ALG12: variants seen among roughly 807,000 people sequenced by gnomAD.
ALG12 encodes the protein dol-P-Man:Man(7)GlcNAc(2)-PP-Dol alpha-1,6-mannosyltransferase.
In ALG12, 36 loss-of-function variants were observed where a neutral mutation model predicts 46.0. That is an observed-to-expected ratio of 0.78 (90% confidence interval 0.60 to 1.03). The LOEUF (loss-of-function observed/expected upper bound fraction) is 1.03, where lower values mean the gene tolerates loss of function less well. Among genes scored for constraint, ALG12 ranks in the 50% least tolerant of loss-of-function variants. ALG12 has a pLI of 0.00. For missense variants in ALG12, 599 were observed against 633.5 expected (o/e 0.95, Z 0.58); for synonymous variants, 326 against 291.6 (o/e 1.12, Z -1.20).
the ALG12 span, among the ~76,000 whole-genome samples, chr22:49,877,108 C>T: frequency 1.3e-5 from 2 of 152,054 alleles, no homozygotes; most frequent in African/African-American, 4.8e-5. Flanking sequence ...TGAACGCTGG[C>T]AGTGAGCTGC....
chr22:49,863,832 GTTAGGGA>G, the ALG12 span, among the ~76,000 whole-genome samples: 4 of 152,204 alleles, frequency 2.6e-5, no homozygotes, highest in Non-Finnish European at 5.9e-5. Flanking sequence ...GAGGCGACCA[GTTAGGGA>G]TTTGATGTTG....
the ALG12 span, among the ~76,000 whole-genome samples, chr22:49,872,592 C>G: frequency 6.6e-6 from 1 of 152,170 alleles, no homozygotes; most frequent in Non-Finnish European, 1.5e-5. Context: ...TGCAGTGTCA[C>G]GATCACAGCT....
the ALG12 span, among the ~76,000 whole-genome samples, chr22:49,881,281 G>A: frequency 6.6e-6 from 1 of 152,274 alleles, no homozygotes; most frequent in Non-Finnish European, 1.5e-5. Flanking sequence ...CCCAGGAAGC[G>A]GAGGTTGCGG....
At chr22:49,909,825 T>A in intron 5 of ALG12, 69 bp downstream of exon 5, 5 of 1,599,496 alleles carry the variant, frequency 3.1e-6, no homozygotes, top group Non-Finnish European at 4.3e-6. Context: ...CCTCCCAAAT[T>A]TCTCTTGACC....
chr22:49,887,540 T>A, the ALG12 span: 2 of 193,086 alleles, frequency 1.0e-5, no homozygotes, highest in African/African-American at 4.7e-5. Flanking sequence ...TACTCAATTA[T>A]GTACAAACCA....
rs1246692959 is a variant in ALG12 at position 49,905,527 on chromosome 22, T to G, written c.993-1021A>C. On this transcript the variant is annotated intron_variant, in intron 7 of 9. Transcript: ENST00000330817. This position sits in a 1 kb window ranked among gnomAD's most constrained non-coding sequence, Gnocchi z 4.9. ...TCCATGCTGTTCTCCTCATACCGAG[T>G]GAGTTCTCGAGAGGTCTGCTTGTTT... Among the ~76,000 whole-genome samples the G allele has an allele frequency of 6.6e-6, 1 of 152,126 alleles. No individual in the cohort carries two copies. Among genetic ancestry groups the G allele is most frequent in the African/African-American group, 2.4e-5 (1 of 41,446 alleles).
chr22:49,908,873 A>G (rs1486290785), intron 6 of ALG12, among the ~76,000 whole-genome samples: 1 of 151,000 alleles, frequency 6.6e-6, no homozygotes, highest in Admixed American at 6.6e-5. Context: ...AATTGCTTGA[A>G]CCAGGGAGGT....
chr22:49,913,629 A>G lies in ALG12; in HGVS notation c.137T>C (p.Leu46Pro). 6.2e-7 allele frequency: 1 copy of G among 1,614,170 alleles called. No individual in the cohort carries two copies. The highest frequency in any genetic ancestry group is 8.5e-7 in the Non-Finnish European group (1 of 1,180,032). ...SFNLQATHDLLYHWQDLEQYD... is the reference protein window; with the variant it reads ...SFNLQATHDLPYHWQDLEQYD... ...CTGCTCCAGGTCTTGCCAGTGGTAG[A>G]GCAGGTCATGTGTGGCCTGCAGGTT... Residue 46 changes from leucine (L) to proline (P), a missense_variant, in exon 2 of 10, where the codon CTC becomes CCC. By Grantham distance (98) the Leu-to-Pro change is moderately conservative (BLOSUM62 -3). Transcript: ENST00000330817.
At chr22:49,868,117 G>A in the ALG12 span, among the ~76,000 whole-genome samples, 3 of 152,186 alleles carry the variant, frequency 2.0e-5, no homozygotes, top group South Asian at 4.1e-4. Flanking sequence ...CATATTCATG[G>A]TTTGTCCCTT....
chr22:49,886,722 G>A, the ALG12 span: 1 of 1,613,446 alleles, frequency 6.2e-7, no homozygotes, highest in Non-Finnish European at 8.5e-7. The surrounding 1 kb of genome is among the most constrained non-coding windows in gnomAD (Gnocchi z 7.7). Context: ...TTACGGAGGA[G>A]GAGGCGGAGC....
the ALG12 span, chr22:49,884,823 C>A: frequency 6.2e-7 from 1 of 1,610,826 alleles, no homozygotes; most frequent in Non-Finnish European, 8.5e-7. Flanking sequence ...CTTCGGCCTC[C>A]TCCTCCCCTG....
At chr22:49,893,508 T>A in the ALG12 span, among the ~76,000 whole-genome samples, 2 of 152,208 alleles carry the variant, frequency 1.3e-5, no homozygotes, top group East Asian at 1.9e-4. Context: ...TGGCTTTTTT[T>A]AAATGCTGAA....
the ALG12 span, among the ~76,000 whole-genome samples, chr22:49,879,550 TC>T: frequency 6.6e-6 from 1 of 150,666 alleles, no homozygotes; most frequent in Non-Finnish European, 1.5e-5. Context: ...TTGTCTTATG[TC>T]CGGGCCTGTT....
chr22:49,900,074 G>A (rs527748171), downstream of ALG12, among the ~76,000 whole-genome samples: 95 of 152,316 alleles, frequency 6.2e-4, 1 homozygote, highest in African/African-American at 2.2e-3. Context: ...TGAGGTGGGA[G>A]GAAGGCTTAA....
chr22:49,916,876 C>T (rs993746231), intron 1 of ALG12, among the ~76,000 whole-genome samples: 1 of 152,262 alleles, frequency 6.6e-6, no homozygotes, highest in Non-Finnish European at 1.5e-5. Context: ...CAGTCCCCCA[C>T]AACCCCACTC....
chr22:49,901,308 G>C lies in ALG12; in HGVS notation c.*2530C>G, dbSNP rs1256419505. On this transcript the variant is annotated 3_prime_UTR_variant, in exon 10 of 10. Transcript: ENST00000330817. ...CCCTCACCATCTGGCCTCTGTGGGA[G>C]TCAGGAAGTGTCTGCACAGATGTTC... 1.3e-5 allele frequency: 2 copies of C among 152,270 alleles called. No individual in the cohort carries two copies. The highest frequency in any genetic ancestry group is 2.9e-5 in the Non-Finnish European group (2 of 68,054). 9.4% of individuals were successfully genotyped at this position (152,270 alleles called of 1,614,324 possible).
chr22:49,918,004 G>GGCCCCAGGTGAGAGGTCC (rs2060626991), intron 1 of ALG12, among the ~76,000 whole-genome samples: 1 of 95,102 alleles, frequency 1.1e-5, no homozygotes, highest in African/African-American at 5.0e-5. Flanking sequence ...GTGAGAGGTC[G>GGCCCCAGGTGAGAGGTCC]GGCCCCCGGA....
Position 49,903,921 on chromosome 22 carries a change from G to C in ALG12, c.1384C>G (p.Leu462Val). 1 of 1,614,216 alleles carries C rather than the reference G, an allele frequency of 6.2e-7. No individual in the cohort carries two copies. The highest frequency in any genetic ancestry group is 8.5e-7 in the Non-Finnish European group (1 of 1,180,014). ...AAGGGGGGCAGTTGGGTCAGGTTCA[G>C]ACTCACACCTGTGGTCCCCACGACG... ...ASVVGTTGVS[L>V]NLTQLPPFNV... is the part of the protein sequence containing the mutation. The change falls in exon 10 of 10, where the codon CTG becomes GTG. Residue 462 changes from leucine to valine, a missense_variant. By Grantham distance (32) the Leu-to-Val change is conservative. Transcript: ENST00000330817.
At chr22:49,876,191 GT>G in the ALG12 span, among the ~76,000 whole-genome samples, 3 of 152,028 alleles carry the variant, frequency 2.0e-5, no homozygotes, top group Non-Finnish European at 4.4e-5. Context: ...TTGCTTTATT[GT>G]CCAGAGAAGA....
Sources: gnomAD v4.1 joint callset for allele counts (sites outside exome capture counted in the v4.1 genomes callset) on GRCh38, gnomAD v4.1.1 for gene constraint, Gnocchi (gnomAD v3.1) non-coding constraint, MANE v1.5 for transcripts, NCBI Gene and HGNC (gene_info 2026-07-23, HGNC 2026-07-21) for gene names.